Variants in RORB observed in about 807,000 individuals in gnomAD.
The protein encoded by RORB is nuclear receptor ROR-beta.
A neutral mutation model predicts 59.1 loss-of-function variants in RORB; 6 were observed. The ratio of observed to expected loss-of-function variants is 0.10; its 90% CI spans 0.06 to 0.20. The LOEUF (loss-of-function observed/expected upper bound fraction) is 0.20. Among genes scored for constraint, RORB ranks in the 10% least tolerant of loss-of-function variants. The pLI, the probability that RORB is intolerant of heterozygous loss-of-function variation, is 1.00. For missense variants in RORB, 320 were observed against 560.5 expected (o/e 0.57, Z 4.33); for synonymous variants, 215 against 204.5 (o/e 1.05, Z -0.44).
intron 1 of RORB, among the ~76,000 whole-genome samples, chr9:74,521,637 A>C (rs1250747326): frequency 6.6e-6 from 1 of 151,846 alleles, no homozygotes; most frequent in Non-Finnish European, 1.5e-5. Context: ...TGTCATGATT[A>C]TATCATCTGG....
At chr9:74,646,887 C>G (rs111303671) in intron 4 of RORB, among the ~76,000 whole-genome samples, 11 of 152,262 alleles carry the variant, frequency 7.2e-5, no homozygotes, top group African/African-American at 2.4e-4. Flanking sequence ...CTACCACACT[C>G]TTCTGGAGGT....
In RORB at chr9:74,642,480, A is replaced by G; in HGVS notation, c.302A>G (p.Gln101Arg). ...DSLYAEVQKH[Q>R]QRLQEQRQQQ... ...CTGTATGCTGAGGTGCAGAAGCACC[A>G]GCAGCGGCTGCAGGAACAGCGGCAG... The change falls in exon 4 of 10, where the codon CAG becomes CGG. Residue 101 changes from glutamine (Q) to arginine (R), a missense_variant. Coordinates refer to ENST00000376896, the MANE Select transcript of RORB (RefSeq NM_006914.4). 1 of 1,614,112 alleles carries G rather than the reference A, an allele frequency of 6.2e-7. No homozygotes were observed.
At chr9:74,555,988 A>G (rs965278007) in intron 1 of RORB, among the ~76,000 whole-genome samples, 6 of 152,192 alleles carry the variant, frequency 3.9e-5, no homozygotes, top group Admixed American at 1.3e-4. Flanking sequence ...TTGAGTCATA[A>G]AATATCGATG....
At chr9:74,644,427 T>C (rs1823862107) in intron 4 of RORB, among the ~76,000 whole-genome samples, 1 of 152,214 alleles carries the variant, frequency 6.6e-6, no homozygotes, top group Admixed American at 6.5e-5. Flanking sequence ...TAAATTAAAA[T>C]AGTATTTCTG....
intron 8 of RORB, among the ~76,000 whole-genome samples, chr9:74,669,019 C>G (rs1587416064): frequency 6.6e-6 from 1 of 152,164 alleles, no homozygotes; most frequent in Admixed American, 6.5e-5. Context: ...CATTTGACCC[C>G]TCAGAGCCCT....
intron 1 of RORB, among the ~76,000 whole-genome samples, chr9:74,618,275 AACAAT>A (rs1823345710): frequency 6.6e-6 from 1 of 150,876 alleles, no homozygotes; most frequent in South Asian, 2.1e-4. Context: ...AGGGACAAAT[AACAAT>A]ACAGGCAAAT....
chr9:74,558,394 A>G (rs1474005802), intron 1 of RORB, among the ~76,000 whole-genome samples: 1 of 152,174 alleles, frequency 6.6e-6, no homozygotes, highest in South Asian at 2.1e-4. Context: ...TACTTCTGCC[A>G]GTTTTCCCTC....
intron 1 of RORB, among the ~76,000 whole-genome samples, chr9:74,601,747 A>G (rs1441894289): frequency 6.6e-6 from 1 of 152,158 alleles, no homozygotes; most frequent in Admixed American, 6.5e-5. Context: ...AGCAAAAGAA[A>G]TAAGGAGTTG....
rs969623597 is a variant in RORB, at chr9:74,690,353, G to A, written c.*4735G>A. On this transcript the variant is annotated 3_prime_UTR_variant, in exon 10 of 10. Coordinates refer to ENST00000376896, the MANE Select transcript of RORB (RefSeq NM_006914.4). ...AATTCGAAAGCCTAAAAGGGCCAGG[G>A]GGCTTAATGCAAATGGGTGAAGCAG... 1 of 152,236 alleles carries A rather than the reference G, an allele frequency of 6.6e-6. No individual in the cohort carries two copies. Among genetic ancestry groups the A allele is most frequent in the African/African-American group, 2.4e-5 (1 of 41,440 alleles). The allele number at this position is 152,236 out of a possible 1,614,324, so 9.4% of individuals were successfully genotyped here. A position where few individuals can be genotyped will look rare whatever the true frequency, so the allele number is the denominator to read the frequency against.
intron 6 of RORB, among the ~76,000 whole-genome samples, chr9:74,663,775 C>T (rs1030033045): frequency 1.3e-5 from 2 of 152,102 alleles, no homozygotes; most frequent in Non-Finnish European, 2.9e-5. Context: ...CTAGGGGCCT[C>T]AGTTCCTCTC....
chr9:74,572,939 T>C (rs1470620884), intron 1 of RORB, among the ~76,000 whole-genome samples: 1 of 152,182 alleles, frequency 6.6e-6, no homozygotes, highest in Admixed American at 6.6e-5. Context: ...AAATTGTAGC[T>C]GAATTTGAGA....
At chr9:74,541,005 G>C (rs1439340929) in intron 1 of RORB, among the ~76,000 whole-genome samples, 2 of 152,016 alleles carry the variant, frequency 1.3e-5, no homozygotes, top group Non-Finnish European at 2.9e-5. Flanking sequence ...GTTGAGCCGG[G>C]CACCGTGGTG....
intron 1 of RORB, among the ~76,000 whole-genome samples, chr9:74,543,909 T>C (rs1462262893): frequency 6.6e-6 from 1 of 152,186 alleles, no homozygotes; most frequent in Non-Finnish European, 1.5e-5. Context: ...TATATAGGTG[T>C]AAACTAGGCT....
chr9:74,531,502 G>A (rs1238959885), intron 1 of RORB, among the ~76,000 whole-genome samples: 1 of 151,882 alleles, frequency 6.6e-6, no homozygotes, highest in Non-Finnish European at 1.5e-5. Flanking sequence ...CAAGCTTGGG[G>A]TTTTATGCCA....
rs776761648 is a variant in RORB, at chr9:74,671,881, G to A, written c.1204G>A (p.Asp402Asn). 1.2e-6 allele frequency: 2 copies of A among 1,607,120 alleles called. No homozygotes were observed. The highest frequency in any genetic ancestry group is 2.2e-5 in the South Asian group (2 of 90,438). ...LQHVIQKNHL[D>N]DETLAKLIAK... Reference sequence around the variant, plus strand: ...ACATGTGATTCAGAAGAATCACCTGGATGATGAGACCTTGGCAAAGGTAGG... The same window carrying A: ...ACATGTGATTCAGAAGAATCACCTGAATGATGAGACCTTGGCAAAGGTAGG... The change falls in exon 9 of 10, where the codon GAT (aspartate) becomes AAT (asparagine). Residue 402 changes from aspartate (D) to asparagine (N), a missense_variant. By Grantham distance (23) the Asp-to-Asn change is conservative (BLOSUM62 1). This residue lies in a region of RORB where 109 missense variants were observed against 171.0 expected (regional missense o/e 0.64). Coordinates refer to ENST00000376896, the MANE Select transcript of RORB (RefSeq NM_006914.4).
intron 1 of RORB, among the ~76,000 whole-genome samples, chr9:74,619,796 A>C (rs1050347372): frequency 6.6e-6 from 1 of 152,188 alleles, no homozygotes. Flanking sequence ...CTATTGAGAT[A>C]ATCATGTGGT....
At chr9:74,657,433 G>A (rs17614092) in intron 4 of RORB, among the ~76,000 whole-genome samples, 12,770 of 152,134 alleles carry the variant, frequency 0.084, 736 homozygotes, top group Non-Finnish European at 0.13. Flanking sequence ...AGAAGTAAAG[G>A]TTGTAAAGAT....
At chr9:74,505,615 G>A (rs907655387) in intron 1 of RORB, among the ~76,000 whole-genome samples, 1 of 152,094 alleles carries the variant, frequency 6.6e-6, no homozygotes, top group Non-Finnish European at 1.5e-5. Flanking sequence ...CAGAAAGTCA[G>A]ACTAGCTCTC....
At chr9:74,599,271 T>C (rs892860697) in intron 1 of RORB, among the ~76,000 whole-genome samples, 41 of 152,166 alleles carry the variant, frequency 2.7e-4, no homozygotes, top group African/African-American at 9.9e-4. Flanking sequence ...GTTTTTCTTG[T>C]GTATAGCAAG....
Sources: gnomAD v4.1 joint callset for allele counts (sites outside exome capture counted in the v4.1 genomes callset) on GRCh38, gnomAD v4.1.1 for gene constraint, gnomAD v4.1.1 regional missense constraint, MANE v1.5 for transcripts, NCBI Gene and HGNC (gene_info 2026-07-23, HGNC 2026-07-21) for gene names.